The following LIN28B variants were observed in gnomAD, a reference collection of about 807,000 sequenced individuals.
LIN28B encodes the protein lin-28 RNA binding posttranscriptional regulator B.
In LIN28B, 5 loss-of-function variants were observed where a neutral mutation model predicts 21.9. The observed-to-expected ratio is 0.23, with a 90% CI of 0.12 to 0.48. LIN28B has a LOEUF of 0.48. LIN28B is among the 20% of genes least tolerant of loss of function. The probability of loss-of-function intolerance (pLI) is 0.98; values close to 1 mark genes in which losing one functional copy is unlikely to be tolerated. For missense variants in LIN28B, 245 were observed against 310.5 expected (o/e 0.79, Z 1.58); for synonymous variants, 109 against 111.3 (o/e 0.98, Z 0.13).
At chr6:104,955,959 A>G (rs1455875586), upstream of LIN28B, among the ~76,000 whole-genome samples, 1 of 152,148 alleles carries the variant, frequency 6.6e-6, no homozygotes, top group Non-Finnish European at 1.5e-5. Flanking sequence ...TAAAGGGGGT[A>G]GGCATTTTGA....
At chr6:105,074,612 T>C (rs1002340264) in intron 3 of LIN28B, among the ~76,000 whole-genome samples, 11 of 152,244 alleles carry the variant, frequency 7.2e-5, no homozygotes, top group African/African-American at 2.4e-4. Context: ...ATAATACTTG[T>C]AGAATATGCT....
At chr6:105,050,604 G>A (rs1448419465) in intron 3 of LIN28B, among the ~76,000 whole-genome samples, 196 of 8,382 alleles carry the variant, frequency 0.023, no homozygotes, top group East Asian at 0.12. Flanking sequence ...GCGAGACTCC[G>A]TCTCAAAAAA....
intron 2 of LIN28B, among the ~76,000 whole-genome samples, chr6:104,992,956 C>T (rs905527926): frequency 6.6e-6 from 1 of 152,098 alleles, no homozygotes; most frequent in Non-Finnish European, 1.5e-5. Flanking sequence ...TTTTTACTCT[C>T]CCAAGAATCT....
rs1292461113 is a variant in LIN28B, at chr6:105,080,322, A to G, written c.*1539A>G. ...AATATTGGGAATAAGATTAAGCATT[A>G]TAATTATAATGTATGGGCCTGTTGG... On this transcript the variant is annotated 3_prime_UTR_variant, in exon 4 of 4. Transcript: ENST00000345080. 6.5e-6 allele frequency: 1 copy of G among 152,674 alleles called. No homozygotes were observed. The highest frequency in any genetic ancestry group is 1.5e-5 in the Non-Finnish European group (1 of 68,042). The allele number at this position is 152,674 out of a possible 1,614,324, so 9.5% of individuals were successfully genotyped here.
intron 3 of LIN28B, among the ~76,000 whole-genome samples, chr6:105,036,960 AAG>A (rs1771534000): frequency 2.7e-5 from 1 of 37,694 alleles, no homozygotes; most frequent in South Asian, 5.5e-3. Flanking sequence ...CTCTAATATT[AAG>A]TATGTAGATG....
intron 2 of LIN28B, among the ~76,000 whole-genome samples, chr6:105,024,377 T>A (rs1156434235): frequency 6.6e-6 from 1 of 152,164 alleles, no homozygotes; most frequent in Non-Finnish European, 1.5e-5. Flanking sequence ...TTCTCATAAT[T>A]TCAGTAGCTG....
At chr6:105,044,791 T>G (rs949551498) in intron 3 of LIN28B, among the ~76,000 whole-genome samples, 1 of 152,194 alleles carries the variant, frequency 6.6e-6, no homozygotes, top group Non-Finnish European at 1.5e-5. Flanking sequence ...TGGCTTTTAG[T>G]GTACCTCTTG....
At chr6:104,976,757 G>A (rs1770103662) in intron 2 of LIN28B, among the ~76,000 whole-genome samples, 1 of 152,172 alleles carries the variant, frequency 6.6e-6, no homozygotes. Flanking sequence ...GAGCCTCTTG[G>A]AAAGGCCAAT....
At chr6:104,951,585 G>C (rs1778221791) in intron 3 of LIN28B, among the ~76,000 whole-genome samples, 1 of 152,002 alleles carries the variant, frequency 6.6e-6, no homozygotes, top group Non-Finnish European at 1.5e-5. Flanking sequence ...CCAGTTCAGA[G>C]ACCTTTTTCT....
intron 2 of LIN28B, among the ~76,000 whole-genome samples, chr6:105,019,254 T>C (rs1771088520): frequency 6.6e-6 from 1 of 152,138 alleles, no homozygotes; most frequent in East Asian, 1.9e-4. Flanking sequence ...ATCTGGTCTT[T>C]CTTAATTATG....
chr6:105,038,559 CA>C (rs1771570548), intron 3 of LIN28B, among the ~76,000 whole-genome samples: 1 of 152,146 alleles, frequency 6.6e-6, no homozygotes, highest in Non-Finnish European at 1.5e-5. Flanking sequence ...TCTTCACTTC[CA>C]AATCTTGTAC....
At chr6:104,990,429 G>A (rs1011882850) in intron 2 of LIN28B, among the ~76,000 whole-genome samples, 4 of 151,654 alleles carry the variant, frequency 2.6e-5, no homozygotes, top group African/African-American at 9.7e-5. Context: ...CTTTGGATGA[G>A]TGTTTCACCT....
chr6:105,049,843 C>A (rs1300010957), intron 3 of LIN28B, among the ~76,000 whole-genome samples: 1 of 151,672 alleles, frequency 6.6e-6, no homozygotes, highest in Non-Finnish European at 1.5e-5. Flanking sequence ...TTTGTGTTTT[C>A]CATTTGGTTG....
chr6:104,940,648 G>A lies in LIN28B; in HGVS notation c.18+3532G>A, dbSNP rs1335876923. 3.3e-5 allele frequency: 5 copies of A among 150,646 alleles called. No homozygotes were observed. The East Asian group carries it at 7.8e-4, about 24-fold the overall frequency. 9.3% of individuals were successfully genotyped at this position (150,646 alleles called of 1,614,324 possible). On this transcript the variant is annotated intron_variant, in intron 2 of 5. Coordinates refer to the LIN28B transcript ENST00000635857. ...GTGCGCGTGCCGCCGGCTGACGCAG[G>A]GCTCCAGTCGAACCGCCTGGTGCCG... is the stretch of plus-strand genomic sequence containing the variant.
chr6:105,078,340 T>A, intron 3 of LIN28B, 74 bp from the exon 4 acceptor site: 1 of 1,360,238 alleles, frequency 7.4e-7, no homozygotes, highest in Non-Finnish European at 1.0e-6. Context: ...AGTTTGTGTG[T>A]TTTCACATTT....
intron 3 of LIN28B, among the ~76,000 whole-genome samples, chr6:105,055,727 A>G (rs1772008586): frequency 6.6e-6 from 1 of 151,938 alleles, no homozygotes; most frequent in Non-Finnish European, 1.5e-5. Context: ...TTTCAGCTCT[A>G]ATATTCCTGG....
At chr6:105,010,327 C>T (rs535166541) in intron 2 of LIN28B, among the ~76,000 whole-genome samples, 2 of 150,164 alleles carry the variant, frequency 1.3e-5, no homozygotes, top group South Asian at 2.1e-4. Context: ...TATGCTACTA[C>T]ACTCCAGCCT....
chr6:105,075,982 CTATT>C (rs1248320428), intron 3 of LIN28B, among the ~76,000 whole-genome samples: 12 of 152,256 alleles, frequency 7.9e-5, no homozygotes, highest in African/African-American at 2.4e-4. Flanking sequence ...ATTCACTTAT[CTATT>C]GTAGAGGAGA....
At chr6:104,968,772 A>C (rs569293005) in intron 2 of LIN28B, among the ~76,000 whole-genome samples, 2 of 152,302 alleles carry the variant, frequency 1.3e-5, no homozygotes, top group East Asian at 3.9e-4. Flanking sequence ...ATAATGCTTA[A>C]ATTATTTTAA....
Sources: gnomAD v4.1 joint callset for allele counts (sites outside exome capture counted in the v4.1 genomes callset) on GRCh38, gnomAD v4.1.1 for gene constraint, MANE v1.5 for transcripts, NCBI Gene and HGNC (gene_info 2026-07-23, HGNC 2026-07-21) for gene names.